Variants in COL4A6 observed in about 807,000 individuals in gnomAD.
COL4A6 encodes the protein collagen alpha-6(IV) chain.
COL4A6 carries 59 observed loss-of-function variants against 126.7 expected under a neutral mutation model. The observed-to-expected ratio is 0.47, with a 90% CI of 0.38 to 0.58. The LOEUF (loss-of-function observed/expected upper bound fraction) is 0.58, where lower values mean the gene tolerates loss of function less well. Ranked by LOEUF, COL4A6 falls within the 20% of genes least tolerant of loss-of-function variation. The probability of loss-of-function intolerance (pLI) is 0.00; values close to 1 mark genes in which losing one functional copy is unlikely to be tolerated. For missense variants in COL4A6, 1,285 were observed against 1,337.3 expected, an observed-to-expected ratio of 0.96 and a Z score of 0.61; for synonymous variants, 547 against 496.6, an observed-to-expected ratio of 1.10 and a Z score of -1.35.
intron 2 of COL4A6, among the ~76,000 whole-genome samples, chrX:108,432,575 C>A (rs746639348): frequency 8.9e-6 from 1 of 112,011 alleles, no homozygotes; most frequent in South Asian, 3.7e-4. Flanking sequence ...GTGGCTCACG[C>A]CTGTAATCCC....
chrX:108,394,709 T>A (rs1326377450), intron 2 of COL4A6, among the ~76,000 whole-genome samples: 1 of 112,077 alleles, frequency 8.9e-6, no homozygotes, highest in Non-Finnish European at 1.9e-5. Context: ...ACTGAATTGT[T>A]CACTGATCAA....
chrX:108,395,163 A>G (rs1273121256), intron 2 of COL4A6, among the ~76,000 whole-genome samples: 2 of 111,376 alleles, frequency 1.8e-5, no homozygotes, highest in Admixed American at 9.6e-5. Context: ...TTGTCACTCA[A>G]TGCACTACTG....
At chrX:108,436,967 A>T (rs1214734673) in intron 2 of COL4A6, among the ~76,000 whole-genome samples, 1 of 111,881 alleles carries the variant, frequency 8.9e-6, no homozygotes, top group Admixed American at 9.5e-5. Context: ...CAAAACCCAC[A>T]AGATAAATAT....
At chrX:108,403,077 T>C (rs2041123776) in intron 2 of COL4A6, among the ~76,000 whole-genome samples, 1 of 111,412 alleles carries the variant, frequency 9.0e-6, no homozygotes, top group South Asian at 3.8e-4. Flanking sequence ...ATTTTCTTCT[T>C]GCATTGCATT....
Position 108,424,725 on chromosome X carries a change from A to G in COL4A6, c.63+13217T>C, listed in dbSNP as rs779357945. Among the ~76,000 whole-genome samples, 6 of 112,261 alleles carry G rather than the reference A, an allele frequency of 5.3e-5. No homozygotes were observed. The South Asian group carries it at 2.2e-3, about 42-fold the overall frequency. ...TCAGATTTTAATTTCATTTAAAAAA[A>G]CATATTTTAGGCCATACGGGGTGGC... is the stretch of plus-strand genomic sequence containing the variant. On this transcript the variant is annotated intron_variant, in intron 2 of 44. Coordinates refer to ENST00000334504, the MANE Select transcript of COL4A6 (RefSeq NM_033641.4).
At position 108,180,962 on chromosome X, in the gene COL4A6, G is replaced by A; in HGVS notation, c.1958C>T (p.Thr653Ile). The A allele has an allele frequency of 1.7e-6, 2 of 1,206,786 alleles. No homozygotes were observed. The highest frequency in any genetic ancestry group is 2.2e-6 in the Non-Finnish European group (2 of 891,290). Residue 653 changes from threonine (T) to isoleucine (I), a missense_variant, in exon 24 of 45, where the codon ACC becomes ATC. Thr to Ile is a moderately conservative substitution (Grantham distance 89). Coordinates refer to ENST00000334504, the MANE Select transcript of COL4A6 (RefSeq NM_033641.4). The stretch of plus-strand genomic sequence containing the variant: ...TGACCCAGGAATAATACAGGGCAGG[G>A]TGATTCCTGTAAATGGTAACATGTG... ...QQGLPGSKGI[T>I]LPCIIPGSYG...
chrX:108,165,229 G>A, intron 38 of COL4A6, 141 bp downstream of exon 38: 3 of 744,783 alleles, frequency 4.0e-6, no homozygotes, highest in Non-Finnish European at 6.3e-6. Context: ...AGTCCCCTGT[G>A]TCCCCACTCG....
chrX:108,194,854 A>G (rs978851965), intron 15 of COL4A6, among the ~76,000 whole-genome samples: 2 of 112,062 alleles, frequency 1.8e-5, no homozygotes, highest in East Asian at 5.6e-4. Flanking sequence ...CAGCATGCCA[A>G]AGATGTATGA....
intron 2 of COL4A6, among the ~76,000 whole-genome samples, chrX:108,419,608 A>G (rs2041494486): frequency 8.9e-6 from 1 of 112,019 alleles, no homozygotes; most frequent in Admixed American, 9.5e-5. Context: ...TAAATATAAA[A>G]CAGTCTATAA....
Position 108,312,741 on chromosome X carries a change from C to A in COL4A6, c.64-1913G>T, listed in dbSNP as rs763896636. On this transcript the variant is annotated intron_variant, in intron 2 of 44. Transcript: ENST00000334504. ...CATAATATTAAGTGATAAAAGTCAT[C>A]CCCTTCAAGGAAGAGAACTTGACAG... Among the ~76,000 whole-genome samples the A allele has an allele frequency of 3.6e-5, 4 of 111,847 alleles. No homozygotes were observed. In the South Asian group the frequency reaches 1.5e-3, roughly 43 times the overall value.
At chrX:108,336,058 C>T (rs761173707) in intron 2 of COL4A6, among the ~76,000 whole-genome samples, 12 of 111,680 alleles carry the variant, frequency 1.1e-4, no homozygotes, top group Non-Finnish European at 1.9e-4. Flanking sequence ...AGTAATATGA[C>T]AGATTTACAT....
intron 3 of COL4A6, among the ~76,000 whole-genome samples, chrX:108,277,574 C>T (rs1214786716): frequency 1.8e-5 from 2 of 112,433 alleles, no homozygotes; most frequent in Admixed American, 9.3e-5. Flanking sequence ...CACAAACAAA[C>T]AAAAAGACAG....
At chrX:108,265,349 G>A (rs1217662784) in intron 3 of COL4A6, among the ~76,000 whole-genome samples, 2 of 105,524 alleles carry the variant, frequency 1.9e-5, no homozygotes, top group African/African-American at 6.8e-5. Context: ...AAAAACTTGT[G>A]ACTAAAAGAC....
chrX:108,394,683 G>A (rs997485544), intron 2 of COL4A6, among the ~76,000 whole-genome samples: 3 of 111,780 alleles, frequency 2.7e-5, no homozygotes, highest in South Asian at 3.7e-4. Flanking sequence ...GGCATTTATC[G>A]TCTACTTGTG....
intron 2 of COL4A6, among the ~76,000 whole-genome samples, chrX:108,419,672 C>A (rs933389426): frequency 7.1e-4 from 79 of 111,842 alleles, no homozygotes; most frequent in African/African-American, 2.5e-3. Flanking sequence ...TTGTTACATA[C>A]CCTTAAGCAA....
chrX:108,424,549 C>A (rs189625875), intron 2 of COL4A6, among the ~76,000 whole-genome samples: 1 of 111,136 alleles, frequency 9.0e-6, no homozygotes, highest in East Asian at 2.8e-4. Context: ...TCCCTAACTA[C>A]AATCCATATT....
In COL4A6 at chrX:108,343,165, A is replaced by ATATATATAGTGTGTGT. The variant is rs1377817612; in HGVS notation, c.64-32338_64-32337insACACACACTATATATA. On this transcript the variant is annotated intron_variant, in intron 2 of 44. Transcript: ENST00000334504. The stretch of plus-strand genomic sequence containing the variant: ...TATATATATATATATATATATATAT[A>ATATATATAGTGTGTGT]GTGTGTGTGTGTGTGTGTGTGTGTG... Among the ~76,000 whole-genome samples, 10 of 31,412 alleles carry ATATATATAGTGTGTGT rather than the reference A, an allele frequency of 3.2e-4. No individual in the cohort carries two copies. In the East Asian group the frequency reaches 8.0e-3, roughly 25 times the overall value. 27.3% of individuals were successfully genotyped at this position (31,412 alleles called of 115,157 possible).
chrX:108,280,288 G>A (rs1410544832), intron 3 of COL4A6, among the ~76,000 whole-genome samples: 26 of 110,500 alleles, frequency 2.4e-4, no homozygotes, highest in East Asian at 5.7e-4. Context: ...TCAAATAGAC[G>A]CAATAAAAAA....
intron 3 of COL4A6, among the ~76,000 whole-genome samples, chrX:108,305,632 G>T (rs2038607467): frequency 8.9e-6 from 1 of 111,854 alleles, no homozygotes; most frequent in South Asian, 3.8e-4. Context: ...TATGAGCCTA[G>T]ATTGGAGAAA....
Sources: allele counts gnomAD v4.1 joint callset (sites outside exome capture counted in the v4.1 genomes callset), GRCh38; gene constraint gnomAD v4.1.1; transcripts MANE v1.5; gene names NCBI Gene and HGNC (gene_info 2026-07-23, HGNC 2026-07-21).